Variants in KHDRBS2 observed in about 807,000 individuals in gnomAD.
KHDRBS2 encodes the protein KH domain-containing, RNA-binding, signal transduction-associated protein 2.
Under a neutral mutation model 44.3 loss-of-function variants are expected in KHDRBS2, and 26 were observed. The ratio of observed to expected loss-of-function variants is 0.59; its 90% CI spans 0.43 to 0.81. The LOEUF is 0.81. Ranked by LOEUF, KHDRBS2 falls within the 40% of genes least tolerant of loss-of-function variation. The pLI is 0.00. For missense variants in KHDRBS2, 476 were observed against 433.1 expected (o/e 1.10, Z -0.88); for synonymous variants, 194 against 151.1 (o/e 1.28, Z -2.08).
At chr6:61,920,213 T>C (rs755940093) in intron 4 of KHDRBS2, among the ~76,000 whole-genome samples, 7 of 151,926 alleles carry the variant, frequency 4.6e-5, no homozygotes, top group Non-Finnish European at 1.0e-4. Flanking sequence ...TATCACTGTG[T>C]GGCCCCATTG....
At chr6:62,052,038 G>T (rs1789186766) in intron 2 of KHDRBS2, among the ~76,000 whole-genome samples, 1 of 151,146 alleles carries the variant, frequency 6.6e-6, no homozygotes, top group South Asian at 2.1e-4. Context: ...CTGCCCATGG[G>T]AATGTAGATT....
chr6:61,875,164 G>C (rs1475053939), intron 6 of KHDRBS2, among the ~76,000 whole-genome samples: 1 of 132,398 alleles, frequency 7.6e-6, no homozygotes, highest in African/African-American at 2.5e-5. Context: ...GTGTGAGTTC[G>C]TGTGTGTGGG....
At chr6:61,617,903 T>A in the KHDRBS2 span, among the ~76,000 whole-genome samples, 4 of 152,282 alleles carry the variant, frequency 2.6e-5, no homozygotes, top group East Asian at 3.9e-4. Context: ...AACATAAAAA[T>A]TTTTTTAAAG....
At chr6:61,899,734 C>CCG (rs1803589120) in intron 5 of KHDRBS2, among the ~76,000 whole-genome samples, 1 of 58,682 alleles carries the variant, frequency 1.7e-5, no homozygotes, top group Non-Finnish European at 4.8e-5. Context: ...TGTTTTAATG[C>CCG]CCCCCCCCCG....
At chr6:61,733,603 GAA>G (rs71685251) in intron 6 of KHDRBS2, among the ~76,000 whole-genome samples, 19 of 119,072 alleles carry the variant, frequency 1.6e-4, no homozygotes, top group South Asian at 5.9e-4. Context: ...TCTCAAAAAA[GAA>G]AAAAAAAAAA....
At chr6:61,990,756 C>T (rs1399732326) in intron 3 of KHDRBS2, among the ~76,000 whole-genome samples, 1 of 150,972 alleles carries the variant, frequency 6.6e-6, no homozygotes, top group Non-Finnish European at 1.5e-5. Flanking sequence ...TGTCACCAGG[C>T]TGGAGTGCAG....
chr6:62,273,521 G>T (rs1840416272), intron 1 of KHDRBS2, among the ~76,000 whole-genome samples: 1 of 152,046 alleles, frequency 6.6e-6, no homozygotes, highest in Non-Finnish European at 1.5e-5. Flanking sequence ...CTACATTCTA[G>T]TAAAGTCCTT....
chr6:61,650,508 A>G, the KHDRBS2 span, among the ~76,000 whole-genome samples: 12 of 152,090 alleles, frequency 7.9e-5, no homozygotes, highest in Non-Finnish European at 1.2e-4. Context: ...TCATAAAAAT[A>G]AGTGAATAAG....
intron 3 of KHDRBS2, among the ~76,000 whole-genome samples, chr6:61,993,567 C>A (rs1251655731): frequency 6.7e-6 from 1 of 149,124 alleles, no homozygotes; most frequent in Non-Finnish European, 1.5e-5. Flanking sequence ...CTATGGCAGT[C>A]AACAGTAATT....
Position 61,722,900 on chromosome 6 carries a change from G to A in KHDRBS2, c.893+9782C>T, listed in dbSNP as rs532959156. ...AATTTTTTGTACTTTTAGTAGAGAT[G>A]GGGTTTCACCATGTTAGCCAGGATG... On this transcript the variant is annotated intron_variant, in intron 7 of 8. Transcript: ENST00000281156. 4.6e-5 allele frequency among the ~76,000 whole-genome samples: 7 copies of A among 151,912 alleles called. No individual in the cohort carries two copies. The South Asian group carries it at 1.0e-3, about 23-fold the overall frequency.
chr6:62,226,664 T>G (rs781689235), intron 1 of KHDRBS2, among the ~76,000 whole-genome samples: 3 of 150,872 alleles, frequency 2.0e-5, no homozygotes, highest in Non-Finnish European at 4.5e-5. Context: ...TCGATTTTAC[T>G]TTTAAGTCTT....
At chr6:61,567,657 AC>A in the KHDRBS2 span, among the ~76,000 whole-genome samples, 6 of 151,720 alleles carry the variant, frequency 4.0e-5, no homozygotes, top group East Asian at 1.2e-3. Context: ...AAACAAACAA[AC>A]AAAAAAAAGG....
chr6:61,994,517 T>A (rs963724572), intron 3 of KHDRBS2, among the ~76,000 whole-genome samples: 3 of 152,166 alleles, frequency 2.0e-5, no homozygotes, highest in Non-Finnish European at 4.4e-5. Flanking sequence ...TGTTAATGTA[T>A]TAATGTAATA....
chr6:61,953,522 C>T (rs556317648), intron 4 of KHDRBS2, among the ~76,000 whole-genome samples: 33 of 152,126 alleles, frequency 2.2e-4, no homozygotes, highest in Non-Finnish European at 1.6e-4. Flanking sequence ...TTGTGTAAGA[C>T]TTTATATTGC....
chr6:61,598,236 T>C, the KHDRBS2 span, among the ~76,000 whole-genome samples: 20 of 151,514 alleles, frequency 1.3e-4, 1 homozygote, highest in Admixed American at 1.2e-3. Flanking sequence ...GCTACCATAC[T>C]CTAGATATAA....
chr6:61,824,070 A>G (rs1790443299), intron 6 of KHDRBS2, among the ~76,000 whole-genome samples: 1 of 152,138 alleles, frequency 6.6e-6, no homozygotes, highest in Admixed American at 6.6e-5. Flanking sequence ...ATGACTTTAA[A>G]AGTTCAAAGA....
intron 3 of KHDRBS2, among the ~76,000 whole-genome samples, chr6:62,039,255 A>AACACACACACACAC (rs142933011): frequency 4.8e-5 from 7 of 145,798 alleles, no homozygotes; most frequent in East Asian, 2.0e-4. Flanking sequence ...TACACAGGCA[A>AACACACACACACAC]ACACACACAC....
the KHDRBS2 span, among the ~76,000 whole-genome samples, chr6:61,573,832 C>T: frequency 8.6e-5 from 13 of 151,024 alleles, no homozygotes; most frequent in African/African-American, 2.9e-4. Flanking sequence ...CCTGCATAGC[C>T]AAAGCAAGAC....
intron 5 of KHDRBS2, among the ~76,000 whole-genome samples, chr6:61,899,873 T>A (rs773677312): frequency 2.0e-5 from 3 of 151,876 alleles, no homozygotes; most frequent in Non-Finnish European, 4.4e-5. Flanking sequence ...TTTCATATGA[T>A]TCAACTTATG....
Sources: gnomAD v4.1 joint callset for allele counts (sites outside exome capture counted in the v4.1 genomes callset) on GRCh38, gnomAD v4.1.1 for gene constraint, MANE v1.5 for transcripts, NCBI Gene and HGNC (gene_info 2026-07-23, HGNC 2026-07-21) for gene names.